The following CLCN7 variants were observed in gnomAD, a reference collection of about 807,000 sequenced individuals.
The protein encoded by CLCN7 is H(+)/Cl(-) exchange transporter 7.
CLCN7 carries 60 observed loss-of-function variants against 102.1 expected under a neutral mutation model. The ratio of observed to expected loss-of-function variants is 0.59; its 90% CI spans 0.48 to 0.73. The LOEUF (loss-of-function observed/expected upper bound fraction) is 0.73. Among genes scored for constraint, CLCN7 ranks in the 30% least tolerant of loss-of-function variants. CLCN7 has a pLI of 0.00. For missense variants in CLCN7, 962 were observed against 1,125.7 expected, an observed-to-expected ratio of 0.85 and a Z score of 2.08; for synonymous variants, 560 against 490.5, an observed-to-expected ratio of 1.14 and a Z score of -1.87.
chr16:1,471,502 C>A (rs571306589), intron 1 of CLCN7: 5 of 152,362 alleles, frequency 3.3e-5, no homozygotes, highest in East Asian at 1.9e-4. Context: ...TCAGAGCAGA[C>A]CCTCCCCCAG....
chr16:1,463,706 A>G (rs749336669), intron 2 of CLCN7, among the ~76,000 whole-genome samples: 1 of 151,918 alleles, frequency 6.6e-6, no homozygotes, highest in Non-Finnish European at 1.5e-5. Flanking sequence ...CTGATCTCCA[A>G]ATCCTGGGCT....
chr16:1,449,472 C>T (rs1160234430), intron 17 of CLCN7, 145 bp from the exon 18 acceptor site: 3 of 724,890 alleles, frequency 4.1e-6, no homozygotes, highest in Non-Finnish European at 7.2e-6. Flanking sequence ...CACAGAACAA[C>T]CTAGCACAGT....
intron 4 of CLCN7, among the ~76,000 whole-genome samples, 190 bp from the exon 5 acceptor site, chr16:1,461,138 G>C: frequency 6.6e-6 from 1 of 152,330 alleles, no homozygotes; most frequent in East Asian, 1.9e-4. Context: ...GGTGACTCGG[G>C]GAGGTGGGTG....
chr16:1,454,066 G>A (rs2038796221), intron 13 of CLCN7, among the ~76,000 whole-genome samples, 172 bp from the exon 14 acceptor site: 1 of 152,232 alleles, frequency 6.6e-6, no homozygotes, highest in African/African-American at 2.4e-5. Flanking sequence ...CTGAGGGCTG[G>A]GGGAGCTGTT....
chr16:1,457,888 C>G lies in CLCN7; in HGVS notation c.676-132G>C. 1.2e-6 allele frequency: 1 copy of G among 861,858 alleles called. No individual in the cohort carries two copies. The highest frequency in any genetic ancestry group is 1.4e-5 in the South Asian group (1 of 71,590). 53.4% of individuals were successfully genotyped at this position (861,858 alleles called of 1,614,324 possible). On this transcript the variant is annotated intron_variant, in intron 7 of 24. Transcript: ENST00000382745. The surrounding 1 kb of genome is among the most constrained non-coding windows in gnomAD (Gnocchi z 5.4). ...CACGGGGCCTCCGGGAGGGGGCCAG[C>G]ACCCCCAGGCTGGGTCTCCCCATGG...
chr16:1,447,803 C>G (rs1187131857), intron 21 of CLCN7, 89 bp from the exon 22 acceptor site: 1 of 1,419,358 alleles, frequency 7.0e-7, no homozygotes, highest in African/African-American at 1.4e-5. Context: ...TGACCCTGTT[C>G]CGGCCAGATT....
chr16:1,450,713 G>A lies in CLCN7; in HGVS notation c.1448-47C>T, dbSNP rs764827362. The A allele has an allele frequency of 1.2e-5, 17 of 1,477,436 alleles. 3 individuals carry two copies. The highest frequency in any genetic ancestry group is 1.9e-4 in the Middle Eastern group (1 of 5,248). 91.5% of individuals were successfully genotyped at this position (1,477,436 alleles called of 1,614,324 possible). ...CGGGGCCTCCACGACTCCCGCCTCC[G>A]CAGGACTGCCCTGCCCCGCTGCCCA... On this transcript the variant is annotated intron_variant, in intron 16 of 24. Transcript: ENST00000382745.
In CLCN7 at chr16:1,447,399, A is replaced by G; in HGVS notation, c.2243T>C (p.Val748Ala). The change falls in exon 23 of 25, where the codon GTG becomes GCG. Residue 748 changes from valine to alanine, a missense_variant. By Grantham distance (64) the Val-to-Ala change is moderately conservative. Around this residue, in one of 2 missense-constraint regions of CLCN7, gnomAD observed 799 missense variants for 988.0 expected, o/e 0.81. Coordinates refer to ENST00000382745, the MANE Select transcript of CLCN7 (RefSeq NM_001287.6). ...SEFMNPSPYT[V>A]PQEASLPRVF... ...CCCATGCCCTGCACATGCCTGGGGC[A>G]CCGTGTAGGGGGAGGGGTTCATGAA... 1 of 1,544,336 alleles carries G rather than the reference A, an allele frequency of 6.5e-7. No homozygotes were observed. The highest frequency in any genetic ancestry group is 2.0e-5 in the Admixed American group (1 of 50,970).
Position 1,447,556 on chromosome 16 carries a change from G to T in CLCN7, c.2086C>A (p.Arg696=), listed in dbSNP as rs1222925593. The T allele has an allele frequency of 3.2e-6, 5 of 1,556,132 alleles. No homozygotes were observed. In the South Asian group the frequency reaches 5.9e-5, roughly 18 times the overall value. The change falls in exon 23 of 25, where the codon CGG becomes AGG. Residue 696 remains arginine (R), a synonymous_variant. Transcript: ENST00000382745. ...CGCTGTACCAGGCCCAGGTTGGACC[G>T]CTCCACAAACACCTGCGGGCGGCAG... The part of the protein sequence containing the change: ...VLLKHKVFVE[R]SNLGLVQRRL...
At chr16:1,474,145 C>T in intron 1 of CLCN7, 1 of 456,048 alleles carries the variant, frequency 2.2e-6, no homozygotes, top group African/African-American at 2.0e-5. Flanking sequence ...CGCAACGGTT[C>T]TCCAGACCTT....
rs1480881492 is a variant in CLCN7, at chr16:1,445,955, T to C, written c.*676A>G. 1 of 316,470 alleles carries C rather than the reference T, an allele frequency of 3.2e-6. No homozygotes were observed. Among genetic ancestry groups the C allele is most frequent in the South Asian group, 5.7e-5 (1 of 17,558 alleles). 19.6% of individuals were successfully genotyped at this position (316,470 alleles called of 1,614,324 possible). A position where few individuals can be genotyped will look rare whatever the true frequency, so the allele number is the denominator to read the frequency against. ...CAGGGCCTTGGAGGTTTTTCTCAGC[T>C]CTCAACATCACAGCACAGGGCCCGT... On this transcript the variant is annotated 3_prime_UTR_variant, in exon 25 of 25. Transcript: ENST00000382745.
At position 1,454,890 on chromosome 16, in the gene CLCN7, C is replaced by G. The variant is rs573521896; in HGVS notation, c.1098+244G>C. ...ACGTGCCCCCAGGCCGTGGGAGGCC[C>G]CATGCACGCAGCAACTGTGTGACAT... On this transcript the variant is annotated intron_variant, in intron 12 of 24. Coordinates refer to ENST00000382745, the MANE Select transcript of CLCN7 (RefSeq NM_001287.6). Among the ~76,000 whole-genome samples, 3 of 152,326 alleles carry G rather than the reference C, an allele frequency of 2.0e-5. No individual in the cohort carries two copies. In the South Asian group the frequency reaches 6.2e-4, roughly 32 times the overall value.
intron 2 of CLCN7, among the ~76,000 whole-genome samples, chr16:1,464,781 G>A (rs1482803918): frequency 6.6e-6 from 1 of 152,204 alleles, no homozygotes; most frequent in Non-Finnish European, 1.5e-5. Flanking sequence ...GAGGACTCCC[G>A]GCCTCACCAG....
rs1384376106 is a variant in CLCN7, at chr16:1,472,244, A to AT, written c.141+2589dup. On this transcript the variant is annotated intron_variant, in intron 1 of 24. Coordinates refer to ENST00000382745, the MANE Select transcript of CLCN7 (RefSeq NM_001287.6). ...TGACTTTTAAGGGAATAGTTTTTTTATTTTTATTTTTGAGATGGAGTTTTG... is the reference window on the plus strand; with the variant it reads ...TGACTTTTAAGGGAATAGTTTTTTTATTTTTTATTTTTGAGATGGAGTTTTG... Among the ~76,000 whole-genome samples the AT allele has an allele frequency of 4.5e-3, 683 of 152,126 alleles. 7 individuals are homozygous for AT. Among genetic ancestry groups the AT allele is most frequent in the African/African-American group, 0.015 (637 of 41,508 alleles).
chr16:1,467,140 C>A (rs1168755413), intron 1 of CLCN7, among the ~76,000 whole-genome samples: 1 of 152,096 alleles, frequency 6.6e-6, no homozygotes, highest in African/African-American at 2.4e-5. Flanking sequence ...CTCCTCCTCT[C>A]CCCAGGCAAA....
intron 1 of CLCN7, among the ~76,000 whole-genome samples, chr16:1,468,072 G>T (rs1020627088): frequency 6.6e-6 from 1 of 152,084 alleles, no homozygotes; most frequent in South Asian, 2.1e-4. Context: ...AACACGGCAA[G>T]ACCCTATCTC....
At chr16:1,447,359 G>GGCCCCACGCCCATGCCCAT in intron 23 of CLCN7, 33 bp downstream of exon 23, 2 of 1,532,826 alleles carry the variant, frequency 1.3e-6, no homozygotes, top group Non-Finnish European at 1.8e-6. Flanking sequence ...TTCAGTCCCA[G>GGCCCCACGCCCATGCCCAT]GCCCCACGCC....
chr16:1,458,173 G>A (rs536052247), intron 7 of CLCN7, among the ~76,000 whole-genome samples: 8 of 152,328 alleles, frequency 5.3e-5, no homozygotes, highest in South Asian at 2.1e-4. Context: ...GCGGCTCCAC[G>A]ATGCCCCCTC....
chr16:1,450,141 TCA>T, intron 17 of CLCN7: 2 of 353,996 alleles, frequency 5.6e-6, no homozygotes, highest in Non-Finnish European at 1.1e-5. Flanking sequence ...GCCCCCGGCC[TCA>T]CAGAGAGCAG....
Sources: gnomAD v4.1 joint callset for allele counts (sites outside exome capture counted in the v4.1 genomes callset) on GRCh38, gnomAD v4.1.1 for gene constraint, gnomAD v4.1.1 regional missense constraint, Gnocchi (gnomAD v3.1) non-coding constraint, MANE v1.5 for transcripts, NCBI Gene and HGNC (gene_info 2026-07-23, HGNC 2026-07-21) for gene names.